The following VWA5B1 variants were observed in gnomAD, a reference collection of about 807,000 sequenced individuals.
VWA5B1 encodes von Willebrand factor A domain-containing protein 5B1.
VWA5B1 carries 115 observed loss-of-function variants against 118.2 expected under a neutral mutation model. The ratio of observed to expected loss-of-function variants is 0.97; its 90% CI spans 0.84 to 1.14. The LOEUF (loss-of-function observed/expected upper bound fraction) is 1.14, where lower values mean the gene tolerates loss of function less well. Among genes scored for constraint, VWA5B1 ranks in the 50% most tolerant of loss-of-function variants. The pLI is 0.00. For synonymous variants in VWA5B1, 682 were observed against 658.4 expected (o/e 1.04, Z -0.55); for missense variants, 1,596 against 1,603.8 (o/e 1.00, Z 0.08).
chr1:20,323,891 C>T (rs78094866), intron 8 of VWA5B1, among the ~76,000 whole-genome samples: 16,829 of 152,216 alleles, frequency 0.11, 1,024 homozygotes, highest in Admixed American at 0.14. Context: ...AGCCACTTAA[C>T]GTGAAGCTTG....
intron 21 of VWA5B1, 43 bp downstream of exon 21, chr1:20,352,215 T>TCAG: frequency 6.9e-7 from 1 of 1,459,030 alleles, no homozygotes. Context: ...TCCGCTCCAC[T>TCAG]CAGCAGCAGG....
chr1:20,308,456 C>T (rs1486411755), intron 1 of VWA5B1, among the ~76,000 whole-genome samples: 1 of 152,118 alleles, frequency 6.6e-6, no homozygotes, highest in Admixed American at 6.5e-5. Flanking sequence ...GCATTCCAGA[C>T]AGGAGCGAAC....
intron 1 of VWA5B1, among the ~76,000 whole-genome samples, chr1:20,304,775 C>T (rs1316862984): frequency 1.3e-5 from 2 of 152,154 alleles, no homozygotes; most frequent in Non-Finnish European, 2.9e-5. Flanking sequence ...AGTGTACCCT[C>T]ATGTTTAAGC....
In VWA5B1 at chr1:20,353,939, G is replaced by A; in HGVS notation, c.3324G>A (p.Arg1108=). ...SPQLCTSSPP[R]HPSCDSFSLE... is the part of the protein sequence containing the mutation. ...AGCTGTGCACCAGCTCCCCGCCTAG[G>A]CACCCGTCCTGTGACAGCTTCTCCC... The change falls in exon 22 of 22, where the codon AGG becomes AGA. Residue 1108 remains arginine (R), a synonymous_variant. Coordinates refer to ENST00000289815, the MANE Select transcript of VWA5B1 (RefSeq NM_001039500.3). 6.4e-7 allele frequency: 1 copy of A among 1,550,820 alleles called. No homozygotes were observed. The highest frequency in any genetic ancestry group is 1.2e-5 in the South Asian group (1 of 83,984).
In VWA5B1 at chr1:20,318,690, C is replaced by A. The variant is rs1272586422; in HGVS notation, c.810C>A (p.Asp270Glu). 1 of 1,535,864 alleles carries A rather than the reference C, an allele frequency of 6.5e-7. No homozygotes were observed. The highest frequency in any genetic ancestry group is 8.8e-7 in the Non-Finnish European group (1 of 1,137,736). ...IITLANKHTF[D>E]RPVEILIHPS... ...CCTTGGCCAACAAGCACACCTTTGACCGGCCTGTGGAGATCCTCATCCACC... is the reference window on the plus strand; with the variant it reads ...CCTTGGCCAACAAGCACACCTTTGAACGGCCTGTGGAGATCCTCATCCACC... The change falls in exon 6 of 22, where the codon GAC (aspartate) becomes GAA (glutamate). Residue 270 changes from aspartate (D) to glutamate (E), a missense_variant. Coordinates refer to ENST00000289815, the MANE Select transcript of VWA5B1 (RefSeq NM_001039500.3).
At chr1:20,349,878 C>A (rs1381015423) in intron 18 of VWA5B1, among the ~76,000 whole-genome samples, 1 of 152,008 alleles carries the variant, frequency 6.6e-6, no homozygotes, top group Non-Finnish European at 1.5e-5. Context: ...AATTTGCAAT[C>A]AAAATGTATA....
intron 2 of VWA5B1, among the ~76,000 whole-genome samples, chr1:20,311,048 C>A (rs2088834274): frequency 6.6e-6 from 1 of 152,208 alleles, no homozygotes; most frequent in South Asian, 2.1e-4. Flanking sequence ...TCACGGCTCA[C>A]TGCAGCCTCC....
chr1:20,298,254 C>T (rs1225783062), intron 1 of VWA5B1, among the ~76,000 whole-genome samples: 1 of 151,682 alleles, frequency 6.6e-6, no homozygotes, highest in Admixed American at 6.6e-5. Flanking sequence ...GCAGTCCTTC[C>T]ACTTCAGCTT....
At chr1:20,345,725 C>T in intron 17 of VWA5B1, 132 bp downstream of exon 17, 1 of 1,313,102 alleles carries the variant, frequency 7.6e-7, no homozygotes, top group Non-Finnish European at 1.0e-6. Flanking sequence ...AGCAGAAAGG[C>T]CCCCAGTGGA....
At chr1:20,330,813 A>G in intron 10 of VWA5B1, 56 bp from the exon 11 acceptor site, 9 of 1,466,412 alleles carry the variant, frequency 6.1e-6, no homozygotes, top group Non-Finnish European at 8.4e-6. Context: ...CTGCATCAGG[A>G]GGCAAAGATG....
chr1:20,318,563 T>C, intron 5 of VWA5B1, 27 bp from the exon 6 acceptor site: 1 of 1,550,462 alleles, frequency 6.4e-7, no homozygotes, highest in Non-Finnish European at 8.7e-7. Context: ...TGAGCCTATA[T>C]CCCCCTTGCC....
At chr1:20,336,885 T>A (rs1216590693) in intron 13 of VWA5B1, among the ~76,000 whole-genome samples, 1 of 152,010 alleles carries the variant, frequency 6.6e-6, no homozygotes, top group African/African-American at 2.4e-5. Context: ...GAAAGCAGAG[T>A]GACAGGGTGC....
At chr1:20,342,371 TCTC>T (rs368745611) in intron 14 of VWA5B1, 58 bp from the exon 15 acceptor site, 20,776 of 1,300,552 alleles carry the variant, frequency 0.016, 1 homozygote, top group South Asian at 0.023. Flanking sequence ...TCCTCCTCCT[TCTC>T]CTCCTCCTCC....
Position 20,357,407 on chromosome 1 carries a change from A to T in VWA5B1, c.*3144A>T, listed in dbSNP as rs923186254. Among the ~76,000 whole-genome samples, 4 of 152,154 alleles carry T rather than the reference A, an allele frequency of 2.6e-5. No individual in the cohort carries two copies. The highest frequency in any genetic ancestry group is 1.3e-4 in the Admixed American group (2 of 15,282). On this transcript the variant is annotated 3_prime_UTR_variant, in exon 22 of 22. Transcript: ENST00000289815. The stretch of plus-strand genomic sequence containing the variant: ...TGTTGAGGAAGCAGTAGAAAGACAA[A>T]CTTCTTTAGATTAGGACAACCTGAC...
chr1:20,341,601 G>T (rs538145907), intron 14 of VWA5B1, among the ~76,000 whole-genome samples: 5 of 152,324 alleles, frequency 3.3e-5, no homozygotes, highest in African/African-American at 1.2e-4. Flanking sequence ...GCTATAAACG[G>T]CCTGCAAATG....
intron 16 of VWA5B1, among the ~76,000 whole-genome samples, chr1:20,344,084 A>C (rs2100995512): frequency 7.0e-6 from 1 of 142,870 alleles, no homozygotes; most frequent in East Asian, 2.1e-4. Context: ...CCACCAACAC[A>C]CGCATAGCCC....
In VWA5B1 at chr1:20,342,715, C is replaced by T. The variant is rs950287933; in HGVS notation, c.2311+106C>T. 8.2e-6 allele frequency: 11 copies of T among 1,337,722 alleles called. No individual in the cohort carries two copies. In the Admixed American group the frequency reaches 3.4e-4, roughly 41 times the overall value. 82.9% of individuals were successfully genotyped at this position (1,337,722 alleles called of 1,614,324 possible). ...AGAGGGCAGATGCCTGGGTCTGTCC[C>T]CTTGTGGTCTGCTGCGGCTCACCCC... On this transcript the variant is annotated intron_variant, in intron 15 of 21. Coordinates refer to ENST00000289815, the MANE Select transcript of VWA5B1 (RefSeq NM_001039500.3).
chr1:20,305,337 C>A lies in VWA5B1; in HGVS notation c.-26-5239C>A, dbSNP rs114232635. ...GACATGCGGGATCAAGGGGTAAATGCCCAGGTTGTTGATGCACTGTTCCCA... is the reference window on the plus strand; with the variant it reads ...GACATGCGGGATCAAGGGGTAAATGACCAGGTTGTTGATGCACTGTTCCCA... On this transcript the variant is annotated intron_variant, in intron 1 of 21. Transcript: ENST00000289815. Among the ~76,000 whole-genome samples, 162 of 152,110 alleles carry A rather than the reference C, an allele frequency of 1.1e-3. 1 individual carries two copies. Among genetic ancestry groups the A allele is most frequent in the African/African-American group, 3.7e-3 (152 of 41,482 alleles).
At chr1:20,328,279 G>A (rs1201677041) in intron 9 of VWA5B1, among the ~76,000 whole-genome samples, 1 of 152,168 alleles carries the variant, frequency 6.6e-6, no homozygotes, top group African/African-American at 2.4e-5. Context: ...TACGGAAAGT[G>A]GGTAGAGAGA....
Sources: allele counts gnomAD v4.1 joint callset (sites outside exome capture counted in the v4.1 genomes callset), GRCh38; gene constraint gnomAD v4.1.1; transcripts MANE v1.5; gene names NCBI Gene and HGNC (gene_info 2026-07-23, HGNC 2026-07-21).